The following ADAMTS2 variants were observed in gnomAD, a reference collection of about 807,000 sequenced individuals.
ADAMTS2 encodes A disintegrin and metalloproteinase with thrombospondin motifs 2.
Under a neutral mutation model 123.0 loss-of-function variants are expected in ADAMTS2, and 50 were observed. The ratio of observed to expected loss-of-function variants is 0.41; its 90% CI spans 0.32 to 0.51. ADAMTS2 has a LOEUF of 0.51. Ranked by LOEUF, ADAMTS2 falls within the 20% of genes least tolerant of loss-of-function variation. ADAMTS2 has a pLI of 0.35. For missense variants in ADAMTS2, 1,494 were observed against 1,705.2 expected, an observed-to-expected ratio of 0.88 and a Z score of 2.18; for synonymous variants, 678 against 695.4, an observed-to-expected ratio of 0.98 and a Z score of 0.39.
At chr5:179,329,607 C>A (rs1334049408) in intron 2 of ADAMTS2, among the ~76,000 whole-genome samples, 1 of 152,128 alleles carries the variant, frequency 6.6e-6, no homozygotes, top group African/African-American at 2.4e-5. Flanking sequence ...TGGAGTATTT[C>A]TTTGAAAGGC....
At chr5:179,266,864 C>T (rs1436060897) in intron 3 of ADAMTS2, among the ~76,000 whole-genome samples, 9 of 152,244 alleles carry the variant, frequency 5.9e-5, no homozygotes, top group Admixed American at 3.9e-4. Context: ...GCCTGCTCCC[C>T]AGTCCTGTGG....
chr5:179,271,015 C>T (rs1473196561), intron 3 of ADAMTS2, among the ~76,000 whole-genome samples: 1 of 152,232 alleles, frequency 6.6e-6, no homozygotes, highest in African/African-American at 2.4e-5. Flanking sequence ...CACCTTCCAG[C>T]CCAGCCTCAC....
intron 4 of ADAMTS2, among the ~76,000 whole-genome samples, chr5:179,206,525 G>A (rs953693561): frequency 2.0e-5 from 3 of 152,102 alleles, no homozygotes; most frequent in Admixed American, 2.0e-4. Context: ...ACCACCTCCA[G>A]CCCTCCCTAA....
rs1581268057 is a variant in ADAMTS2, at chr5:179,314,865, A to C, written c.534+28902T>G. ...ACCAAGAGCTGCAAGGGACATAGGA[A>C]TGTCCCTTAGCATGGCCCGGGAGCC... On this transcript the variant is annotated intron_variant, in intron 2 of 21. Coordinates refer to ENST00000251582, the MANE Select transcript of ADAMTS2 (RefSeq NM_014244.5). The surrounding 1 kb of genome is among the most constrained non-coding windows in gnomAD (Gnocchi z 4.5). Among the ~76,000 whole-genome samples, 2 of 151,252 alleles carry C rather than the reference A, an allele frequency of 1.3e-5. No homozygotes were observed. Among genetic ancestry groups the C allele is most frequent in the South Asian group, 4.3e-4 (2 of 4,636 alleles).
rs1195306655 is a variant in ADAMTS2, at chr5:179,111,696, A to G, written c.*2171T>C. On this transcript the variant is annotated 3_prime_UTR_variant, in exon 22 of 22. Transcript: ENST00000251582. ...ATCCAGAGGCCCCTAGGCTGGGTAA[A>G]CCGAGTCATACTCTCTGCCTAGCGT... The G allele has an allele frequency of 6.6e-6, 1 of 152,232 alleles. No homozygotes were observed. The highest frequency in any genetic ancestry group is 1.5e-5 in the Non-Finnish European group (1 of 68,064). The allele number at this position is 152,232 out of a possible 1,614,324, so 9.4% of individuals were successfully genotyped here. A position where few individuals can be genotyped will look rare whatever the true frequency, so the allele number is the denominator to read the frequency against.
intron 2 of ADAMTS2, among the ~76,000 whole-genome samples, chr5:179,334,377 T>A (rs1222175526): frequency 6.6e-6 from 1 of 152,200 alleles, no homozygotes; most frequent in African/African-American, 2.4e-5. Flanking sequence ...CACCTCTGGC[T>A]TTTGGAGGTG....
chr5:179,140,155 A>G, intron 10 of ADAMTS2, 120 bp from the exon 11 acceptor site: 1 of 1,455,984 alleles, frequency 6.9e-7, no homozygotes, highest in East Asian at 2.3e-5. Flanking sequence ...GCACAGGGGG[A>G]GCTCACCCTC....
rs571025534 is a variant in ADAMTS2 at position 179,235,383 on chromosome 5, G to A, written c.689-27668C>T. Among the ~76,000 whole-genome samples the A allele has an allele frequency of 2.0e-5, 3 of 152,294 alleles. No homozygotes were observed. The South Asian group carries it at 6.2e-4, about 32-fold the overall frequency. The stretch of plus-strand genomic sequence containing the variant: ...CCTCAGAATAGCATGAAATGCTCAG[G>A]GTGTGTGGGACAGAACTGACGCCTT... On this transcript the variant is annotated intron_variant, in intron 3 of 21. Coordinates refer to ENST00000251582, the MANE Select transcript of ADAMTS2 (RefSeq NM_014244.5).
intron 17 of ADAMTS2, among the ~76,000 whole-genome samples, 163 bp from the exon 18 acceptor site, chr5:179,126,293 G>A (rs1167283994): frequency 1.3e-5 from 2 of 152,246 alleles, no homozygotes; most frequent in Non-Finnish European, 2.9e-5. Context: ...GCTGGGGGGA[G>A]GCCTTGGTGT....
chr5:179,239,312 C>T (rs1032773318), intron 3 of ADAMTS2, among the ~76,000 whole-genome samples: 14 of 152,068 alleles, frequency 9.2e-5, no homozygotes, highest in Non-Finnish European at 1.5e-4. Flanking sequence ...ACAGGTTTCT[C>T]ATCAGTGTGA....
intron 2 of ADAMTS2, among the ~76,000 whole-genome samples, chr5:179,326,007 G>A (rs1450194118): frequency 6.6e-6 from 1 of 152,228 alleles, no homozygotes; most frequent in African/African-American, 2.4e-5. Flanking sequence ...GCGGAGGAAG[G>A]GATCAGAGCG....
At chr5:179,121,317 C>A (rs936297542) in intron 21 of ADAMTS2, 4 of 173,636 alleles carry the variant, frequency 2.3e-5, no homozygotes, top group Non-Finnish European at 3.6e-5. Flanking sequence ...GGTCCCCGCA[C>A]GACGCCGCGA....
In ADAMTS2 at chr5:179,181,561, C is replaced by T. The variant is rs1764049114; in HGVS notation, c.892-406G>A. ...CTGGGACCGGCCCTGGCAGAAGTCA[C>T]TCCAAGCTATAGCTGGTGGGTGTGG... On this transcript the variant is annotated intron_variant, in intron 4 of 21. Coordinates refer to ENST00000251582, the MANE Select transcript of ADAMTS2 (RefSeq NM_014244.5). This position sits in a 1 kb window ranked among gnomAD's most constrained non-coding sequence, Gnocchi z 4.1. Among the ~76,000 whole-genome samples the T allele has an allele frequency of 6.6e-6, 1 of 152,172 alleles. No homozygotes were observed. The highest frequency in any genetic ancestry group is 2.4e-5 in the African/African-American group (1 of 41,454).
At chr5:179,215,500 T>C (rs571782413) in intron 3 of ADAMTS2, among the ~76,000 whole-genome samples, 3 of 152,280 alleles carry the variant, frequency 2.0e-5, no homozygotes, top group African/African-American at 7.2e-5. Flanking sequence ...CAAGAATATG[T>C]GGGGTTTCCA....
At chr5:179,192,707 C>T (rs935409413) in intron 4 of ADAMTS2, among the ~76,000 whole-genome samples, 5 of 152,192 alleles carry the variant, frequency 3.3e-5, no homozygotes, top group Non-Finnish European at 5.9e-5. Flanking sequence ...TGTCTGGCTG[C>T]AGGGAAGTTT....
Position 179,345,261 on chromosome 5 carries a change from A to AGGAGCGGCGGCG in ADAMTS2, c.67_68insCGCCGCCGCTCC (p.Leu22_Leu23insProProProLeu). 1 of 938,976 alleles carries AGGAGCGGCGGCG rather than the reference A, an allele frequency of 1.1e-6. No individual in the cohort carries two copies. Among genetic ancestry groups the AGGAGCGGCGGCG allele is most frequent in the Non-Finnish European group, 1.3e-6 (1 of 765,124 alleles). The allele number at this position is 938,976 out of a possible 1,614,324, so 58.2% of individuals were successfully genotyped here. Reference sequence around the variant, plus strand: ...CGGCGGCGGCAGGAGCGGCGGCGGCAGCAGCAGCAGCAGCAGCAGCAGCGC... The same window carrying AGGAGCGGCGGCG: ...CGGCGGCGGCAGGAGCGGCGGCGGCAGGAGCGGCGGCGGCAGCAGCAGCAGCAGCAGCAGCGC... On this transcript the variant is annotated inframe_insertion, in exon 1 of 22. Transcript: ENST00000251582. This position sits in a 1 kb window ranked among gnomAD's most constrained non-coding sequence, Gnocchi z 7.5.
At chr5:179,205,557 T>G (rs1386805619) in intron 4 of ADAMTS2, among the ~76,000 whole-genome samples, 1 of 152,118 alleles carries the variant, frequency 6.6e-6, no homozygotes, top group Non-Finnish European at 1.5e-5. Context: ...CCAAGCCCAG[T>G]CCTTTCCCCG....
chr5:179,246,150 G>A (rs1272261022), intron 3 of ADAMTS2, among the ~76,000 whole-genome samples: 1 of 152,170 alleles, frequency 6.6e-6, no homozygotes, highest in Non-Finnish European at 1.5e-5. Flanking sequence ...ACTCAGCAGT[G>A]GCCATGAAGA....
chr5:179,190,167 T>C (rs946123502), intron 4 of ADAMTS2, among the ~76,000 whole-genome samples: 7 of 152,106 alleles, frequency 4.6e-5, no homozygotes, highest in Non-Finnish European at 8.8e-5. Flanking sequence ...CTTCTTATAT[T>C]AATAAGAAAA....
Sources: allele counts gnomAD v4.1 joint callset (sites outside exome capture counted in the v4.1 genomes callset), GRCh38; gene constraint gnomAD v4.1.1; non-coding constraint Gnocchi (gnomAD v3.1); transcripts MANE v1.5; gene names NCBI Gene and HGNC (gene_info 2026-07-23, HGNC 2026-07-21).